BPIFA2: variants seen among roughly 807,000 people sequenced by gnomAD.
BPIFA2 encodes the protein BPI fold containing family A member 2.
BPIFA2 carries 20 observed loss-of-function variants against 25.7 expected under a neutral mutation model. The ratio of observed to expected loss-of-function variants is 0.78; its 90% CI spans 0.55 to 1.13. BPIFA2 has a LOEUF of 1.13. Ranked by LOEUF, BPIFA2 falls within the 50% of genes most tolerant of loss-of-function variation. The pLI is 0.00. For synonymous variants in BPIFA2, 126 were observed against 124.3 expected (o/e 1.01, Z -0.09); for missense variants, 300 against 298.1 (o/e 1.01, Z -0.05).
rs752534362 is a variant in BPIFA2 at position 33,172,959 on chromosome 20, T to G, written c.185T>G (p.Leu62Arg). 23 of 1,613,698 alleles carry G rather than the reference T, an allele frequency of 1.4e-5. No homozygotes were observed. Among genetic ancestry groups the G allele is most frequent in the Non-Finnish European group, 1.7e-5 (20 of 1,179,884 alleles). The change falls in exon 3 of 9, where the codon CTA becomes CGA. Residue 62 changes from leucine to arginine, a missense_variant. Physicochemically the swap from Leu to Arg is moderately radical, Grantham distance 102. Transcript: ENST00000354932. ...KGILEKLKVD[L>R]GVLQKSSAWQ... is the part of the protein sequence containing the mutation. ...ATCCTTGAGAAACTGAAGGTCGACC[T>G]AGGAGTGCTTCAGAAATCCAGTGCT...
intron 2 of BPIFA2, 101 bp downstream of exon 2, chr20:33,169,403 G>A (rs1448685309): frequency 1.2e-5 from 14 of 1,199,234 alleles, no homozygotes; most frequent in East Asian, 7.3e-5. Flanking sequence ...CTTTATGGGC[G>A]GTTTACTGAG....
intron 7 of BPIFA2, 32 bp downstream of exon 7, chr20:33,179,699 G>A: frequency 2.5e-6 from 4 of 1,569,538 alleles, no homozygotes; most frequent in Non-Finnish European, 3.5e-6. Context: ...GACCTTCTGA[G>A]GCAGGCATGG....
intron 2 of BPIFA2, among the ~76,000 whole-genome samples, chr20:33,172,388 C>A (rs1364850808): frequency 6.8e-6 from 1 of 147,968 alleles, no homozygotes; most frequent in African/African-American, 2.7e-5. Context: ...ACATGTATCC[C>A]GGAACTTAAA....
intron 6 of BPIFA2, among the ~76,000 whole-genome samples, 172 bp from the exon 7 acceptor site, chr20:33,179,432 A>C (rs77930653): frequency 1.9e-5 from 2 of 107,312 alleles, no homozygotes; most frequent in Non-Finnish European, 3.4e-5. Context: ...TCTGTCTCAG[A>C]AAAAAAAAAA....
intron 5 of BPIFA2, 36 bp downstream of exon 5, chr20:33,175,595 A>G (rs1490626274): frequency 2.5e-6 from 4 of 1,601,020 alleles, no homozygotes; most frequent in African/African-American, 2.7e-5. Flanking sequence ...CTGGGCTCTC[A>G]GGGAACTTGA....
At chr20:33,175,179 A>G (rs7262288) in intron 4 of BPIFA2, among the ~76,000 whole-genome samples, 9,742 of 152,284 alleles carry the variant, frequency 0.064, 1,037 homozygotes, top group African/African-American at 0.22. Context: ...TTATTAGTGT[A>G]ATGTTGTATA....
At chr20:33,166,949 G>A (rs1209062138), upstream of BPIFA2, among the ~76,000 whole-genome samples, 1 of 152,172 alleles carries the variant, frequency 6.6e-6, no homozygotes, top group Admixed American at 6.5e-5. Context: ...TGGAGAACCC[G>A]GTGTCAGGCA....
chr20:33,165,833 G>A (rs1273965169), upstream of BPIFA2, among the ~76,000 whole-genome samples: 1 of 152,144 alleles, frequency 6.6e-6, no homozygotes. Context: ...CCTGGAGAGG[G>A]AAGAAGAGGA....
chr20:33,179,724 C>T, intron 7 of BPIFA2, 57 bp downstream of exon 7: 1 of 1,497,570 alleles, frequency 6.7e-7, no homozygotes, highest in East Asian at 2.3e-5. Context: ...CTGTGCCCAC[C>T]CCATAAGCAG....
At chr20:33,180,286 C>T (rs1444808482) in intron 7 of BPIFA2, among the ~76,000 whole-genome samples, 1 of 152,070 alleles carries the variant, frequency 6.6e-6, no homozygotes, top group African/African-American at 2.4e-5. Context: ...TAGGCAGTCA[C>T]TTTGTGCTCT....
intron 3 of BPIFA2, among the ~76,000 whole-genome samples, chr20:33,173,807 C>G (rs562447055): frequency 6.6e-6 from 1 of 152,310 alleles, no homozygotes; most frequent in East Asian, 1.9e-4. Context: ...CCCGGTCCCA[C>G]TCATGAACTT....
chr20:33,180,109 T>C (rs183203730), intron 7 of BPIFA2, among the ~76,000 whole-genome samples: 11 of 151,896 alleles, frequency 7.2e-5, no homozygotes, highest in Admixed American at 1.3e-4. Context: ...TCCCAGCTAC[T>C]CGGGAGGCTG....
intron 4 of BPIFA2, 145 bp from the exon 5 acceptor site, chr20:33,175,262 G>A: frequency 1.3e-6 from 1 of 789,474 alleles, no homozygotes; most frequent in South Asian, 2.0e-5. Context: ...ATCTCATAGA[G>A]GATATGGACC....
At chr20:33,172,864 C>G (rs140852113) in intron 2 of BPIFA2, 68 bp from the exon 3 acceptor site, 2 of 1,529,698 alleles carry the variant, frequency 1.3e-6, no homozygotes, top group Non-Finnish European at 1.8e-6. Context: ...CAGTCTTACC[C>G]GGTACCTGGA....
chr20:33,171,445 C>T (rs1277481710), intron 2 of BPIFA2, among the ~76,000 whole-genome samples: 1 of 152,138 alleles, frequency 6.6e-6, no homozygotes, highest in Non-Finnish European at 1.5e-5. Flanking sequence ...TTAGAGTGAA[C>T]AGGCAACCTA....
In BPIFA2 at chr20:33,173,985, A is replaced by G. The variant is rs561199049; in HGVS notation, c.303-94A>G. 3.2e-4 allele frequency: 315 copies of G among 977,382 alleles called. No individual in the cohort carries two copies. In the African/African-American group the frequency reaches 4.6e-3, roughly 14 times the overall value. 60.5% of individuals were successfully genotyped at this position (977,382 alleles called of 1,614,324 possible). A position where few individuals can be genotyped will look rare whatever the true frequency, so the allele number is the denominator to read the frequency against. ...AAGACTAAAGAAGGCAAGGCTGACGAGACCCAAACGCTCAGCTCGAGGCTG... is the reference window on the plus strand; with the variant it reads ...AAGACTAAAGAAGGCAAGGCTGACGGGACCCAAACGCTCAGCTCGAGGCTG... On this transcript the variant is annotated intron_variant, in intron 3 of 8. Transcript: ENST00000354932.
intron 5 of BPIFA2, among the ~76,000 whole-genome samples, chr20:33,175,930 T>C (rs1471448252): frequency 6.6e-6 from 1 of 152,212 alleles, no homozygotes; most frequent in African/African-American, 2.4e-5. Context: ...GATTTGTTCA[T>C]TTCGCCTTTC....
At chr20:33,174,265 C>T (rs1984002799) in intron 4 of BPIFA2, 79 bp downstream of exon 4, 1 of 1,250,378 alleles carries the variant, frequency 8.0e-7, no homozygotes, top group Non-Finnish European at 1.2e-6. Context: ...GAATCGGGCA[C>T]CTCCTCCCGC....
At chr20:33,177,215 G>A (rs1243231071) in intron 5 of BPIFA2, among the ~76,000 whole-genome samples, 1 of 151,992 alleles carries the variant, frequency 6.6e-6, no homozygotes, top group East Asian at 1.9e-4. Flanking sequence ...ATTAGCCGGG[G>A]GTGGTGGCGG....
Sources: gnomAD v4.1 joint callset for allele counts (sites outside exome capture counted in the v4.1 genomes callset) on GRCh38, gnomAD v4.1.1 for gene constraint, MANE v1.5 for transcripts, NCBI Gene and HGNC (gene_info 2026-07-23, HGNC 2026-07-21) for gene names.